DENND4C: variants seen among roughly 807,000 people sequenced by gnomAD.
DENND4C encodes DENN domain containing 4C, also known as DENN domain-containing protein 4C.
A neutral mutation model predicts 203.0 loss-of-function variants in DENND4C; 108 were observed. That is an observed-to-expected ratio of 0.53 (90% CI 0.46 to 0.62). DENND4C has a LOEUF of 0.62. DENND4C is among the 20% of genes least tolerant of loss of function. The probability of loss-of-function intolerance (pLI) is 0.00; values close to 1 mark genes in which losing one functional copy is unlikely to be tolerated. For missense variants in DENND4C, 2,481 were observed against 2,301.2 expected, an observed-to-expected ratio of 1.08 and a Z score of -1.60; for synonymous variants, 871 against 792.4, an observed-to-expected ratio of 1.10 and a Z score of -1.67.
At chr9:19,278,199 A>G (rs1196641335) in intron 2 of DENND4C, among the ~76,000 whole-genome samples, 1 of 151,408 alleles carries the variant, frequency 6.6e-6, no homozygotes, top group Non-Finnish European at 1.5e-5. Flanking sequence ...GCAGTGGCGC[A>G]ATCTTGGCTC....
chr9:19,290,317 A>C (rs752228738), intron 4 of DENND4C, among the ~76,000 whole-genome samples: 1 of 152,184 alleles, frequency 6.6e-6, no homozygotes, highest in Non-Finnish European at 1.5e-5. Context: ...GCATTATTTC[A>C]TAACACTTGT....
At chr9:19,354,685 G>T (rs773843270) in intron 26 of DENND4C, among the ~76,000 whole-genome samples, 10 of 151,204 alleles carry the variant, frequency 6.6e-5, no homozygotes, top group Non-Finnish European at 1.3e-4. Context: ...CCGAGTAGCT[G>T]GGAGTGCCCA....
At chr9:19,294,938 T>C (rs181941048) in intron 5 of DENND4C, among the ~76,000 whole-genome samples, 1 of 152,198 alleles carries the variant, frequency 6.6e-6, no homozygotes, top group Non-Finnish European at 1.5e-5. Flanking sequence ...AGCTTTTGTT[T>C]GGGGTAATGA....
intron 1 of DENND4C, among the ~76,000 whole-genome samples, chr9:19,250,657 TG>T (rs35903326): frequency 0.063 from 9,623 of 152,170 alleles, 572 homozygotes; most frequent in African/African-American, 0.15. Context: ...CTGGATTCAA[TG>T]GGGGCACAGG....
rs1301524482 is a variant in DENND4C, at chr9:19,336,364, G to T, written c.2684G>T (p.Arg895Met). ...RNVVRGLAQF[R>M]QPLKKTVQRS... ...GTGGTACGTGGCTTGGCACAGTTTA[G>T]GCAGCCGCTTAAAAAGACTGTGCAA... The change falls in exon 19 of 33, where the codon AGG becomes ATG. Residue 895 changes from arginine (R) to methionine (M), a missense_variant. This residue lies in a region of DENND4C where 2,289 missense variants were observed against 2,113.3 expected (regional missense o/e 1.08). Transcript: ENST00000434457. The T allele has an allele frequency of 6.2e-7, 1 of 1,613,960 alleles. No individual in the cohort carries two copies. The highest frequency in any genetic ancestry group is 8.5e-7 in the Non-Finnish European group (1 of 1,179,956).
chr9:19,334,886 A>C, intron 17 of DENND4C, 91 bp from the exon 18 acceptor site: 2 of 1,282,124 alleles, frequency 1.6e-6, no homozygotes, highest in Non-Finnish European at 2.1e-6. Flanking sequence ...ATACTGCTTA[A>C]TAACTTCATG....
intron 2 of DENND4C, among the ~76,000 whole-genome samples, chr9:19,279,334 T>C (rs1833558675): frequency 6.7e-6 from 1 of 150,162 alleles, no homozygotes. Flanking sequence ...GAGGCTGAGG[T>C]GGGAGGAGGA....
At chr9:19,319,052 C>T (rs1176555560) in intron 12 of DENND4C, among the ~76,000 whole-genome samples, 1 of 151,648 alleles carries the variant, frequency 6.6e-6, no homozygotes, top group African/African-American at 2.4e-5. Context: ...GCCTGTAATC[C>T]CAGCTACTCA....
At chr9:19,328,764 A>G (rs556287936) in intron 16 of DENND4C, among the ~76,000 whole-genome samples, 1 of 151,808 alleles carries the variant, frequency 6.6e-6, no homozygotes, top group African/African-American at 2.4e-5. Context: ...ATCTGTAGGA[A>G]TTGGCCGGGC....
At chr9:19,343,043 T>C (rs1277763152) in intron 22 of DENND4C, among the ~76,000 whole-genome samples, 7 of 152,196 alleles carry the variant, frequency 4.6e-5, no homozygotes, top group Non-Finnish European at 8.8e-5. Context: ...GGCCACTCTT[T>C]CTCATTATAG....
At chr9:19,281,870 G>T (rs1834114112) in intron 2 of DENND4C, among the ~76,000 whole-genome samples, 1 of 152,186 alleles carries the variant, frequency 6.6e-6, no homozygotes, top group African/African-American at 2.4e-5. Flanking sequence ...TTACACAGTG[G>T]TGAGTATATG....
Position 19,335,010 on chromosome 9 carries a change from C to A in DENND4C, c.2494C>A (p.Leu832Ile), listed in dbSNP as rs1272546947. The A allele has an allele frequency of 9.3e-6, 15 of 1,609,606 alleles. No homozygotes were observed. Among genetic ancestry groups the A allele is most frequent in the African/African-American group, 1.3e-5 (1 of 74,124 alleles). Residue 832 changes from leucine to isoleucine, a missense_variant, in exon 18 of 33, where the codon CTT becomes ATT. Leu to Ile is a conservative substitution (Grantham distance 5). This residue lies in a region of DENND4C where 2,289 missense variants were observed against 2,113.3 expected (regional missense o/e 1.08). Transcript: ENST00000434457. ...TCGAGTAGTGATGCAGCTTTGTGGACTTTGGGGTCATCCTGTTTTAGCAGT... is the reference window on the plus strand; with the variant it reads ...TCGAGTAGTGATGCAGCTTTGTGGAATTTGGGGTCATCCTGTTTTAGCAGT... ...CYRVVMQLCG[L>I]WGHPVLAVRV...
chr9:19,288,307 G>A (rs1166934544), intron 3 of DENND4C, among the ~76,000 whole-genome samples: 1 of 152,156 alleles, frequency 6.6e-6, no homozygotes, highest in Non-Finnish European at 1.5e-5. Context: ...TGCACACTCC[G>A]TTTTGTGCTG....
At chr9:19,241,746 G>A (rs969322909) in intron 1 of DENND4C, among the ~76,000 whole-genome samples, 1 of 151,958 alleles carries the variant, frequency 6.6e-6, no homozygotes. Context: ...TAAGTAGAAC[G>A]GTGACTCTCG....
chr9:19,358,254 T>G lies in DENND4C; in HGVS notation c.5160+94T>G. 7 of 1,034,318 alleles carry G rather than the reference T, an allele frequency of 6.8e-6. No homozygotes were observed. Among genetic ancestry groups the G allele is most frequent in the Non-Finnish European group, 9.4e-6 (7 of 748,654 alleles). The allele number at this position is 1,034,318 out of a possible 1,614,324, so 64.1% of individuals were successfully genotyped here. A position where few individuals can be genotyped will look rare whatever the true frequency, so the allele number is the denominator to read the frequency against. ...TTCTTCTGTAGTGGACTTATTTTAA[T>G]TACATGAAAAGTGATAGAGTTTTTC... is the stretch of plus-strand genomic sequence containing the variant. On this transcript the variant is annotated intron_variant, in intron 28 of 32. Transcript: ENST00000434457. This position sits in a 1 kb window ranked among gnomAD's most constrained non-coding sequence, Gnocchi z 4.8.
chr9:19,348,547 A>G (rs116186326), intron 23 of DENND4C, among the ~76,000 whole-genome samples: 3,314 of 152,314 alleles, frequency 0.022, 126 homozygotes, highest in African/African-American at 0.074. Flanking sequence ...TCAAGGTAAT[A>G]TAATCAATTT....
At chr9:19,315,168 A>AG (rs1554632743) in intron 10 of DENND4C, among the ~76,000 whole-genome samples, 54 of 151,400 alleles carry the variant, frequency 3.6e-4, no homozygotes, top group African/African-American at 1.1e-3. Context: ...AAAAAAAAAA[A>AG]AAAAGAAAAG....
chr9:19,237,212 G>A (rs1822191416), intron 1 of DENND4C, among the ~76,000 whole-genome samples: 1 of 151,676 alleles, frequency 6.6e-6, no homozygotes, highest in Non-Finnish European at 1.5e-5. Context: ...AGTAGAGATG[G>A]GGTTTCACCA....
At chr9:19,324,639 C>G (rs1268018191) in intron 13 of DENND4C, 132 bp downstream of exon 13, 1 of 895,224 alleles carries the variant, frequency 1.1e-6, no homozygotes, top group African/African-American at 1.7e-5. Flanking sequence ...GTATGTGTTA[C>G]CGATTCTGGG....
Sources: allele counts gnomAD v4.1 joint callset (sites outside exome capture counted in the v4.1 genomes callset), GRCh38; gene constraint gnomAD v4.1.1; regional missense constraint gnomAD v4.1.1; non-coding constraint Gnocchi (gnomAD v3.1); transcripts MANE v1.5; gene names NCBI Gene and HGNC (gene_info 2026-07-23, HGNC 2026-07-21).